Variants in COL5A1 observed in about 807,000 individuals in gnomAD.
COL5A1 encodes the protein collagen alpha-1(V) chain.
COL5A1 carries 16 observed loss-of-function variants against 263.7 expected under a neutral mutation model. That is an observed-to-expected ratio of 0.06 (90% CI 0.04 to 0.09). The LOEUF is 0.09. COL5A1 is among the 10% of genes least tolerant of loss of function. The pLI is 1.00. For missense variants in COL5A1, 2,036 were observed against 2,540.5 expected, an observed-to-expected ratio of 0.80 and a Z score of 4.27; for synonymous variants, 1,012 against 1,004.5, an observed-to-expected ratio of 1.01 and a Z score of -0.14.
rs1833467658 is a variant in COL5A1 at position 134,696,327 on chromosome 9, C to T, written c.278-3582C>T. On this transcript the variant is annotated intron_variant, in intron 2 of 65. Coordinates refer to ENST00000371817, the MANE Select transcript of COL5A1 (RefSeq NM_000093.5). This position sits in a 1 kb window ranked among gnomAD's most constrained non-coding sequence, Gnocchi z 4.3. ...TAGTTGGGATTACAGGTGTGTGCCA[C>T]CACACCCGGCTAATTTTTTTTATAT... Among the ~76,000 whole-genome samples the T allele has an allele frequency of 6.6e-6, 1 of 152,074 alleles. No homozygotes were observed. Among genetic ancestry groups the T allele is most frequent in the Non-Finnish European group, 1.5e-5 (1 of 68,032 alleles).
At chr9:134,747,162 T>C (rs770978484) in intron 11 of COL5A1, among the ~76,000 whole-genome samples, 40 of 152,220 alleles carry the variant, frequency 2.6e-4, no homozygotes, top group Non-Finnish European at 7.3e-5. Context: ...TTCTCCACAC[T>C]GTCTCCTTCT....
At chr9:134,819,985 C>T (rs1472628782) in intron 57 of COL5A1, 131 bp from the exon 58 acceptor site, 5 of 789,644 alleles carry the variant, frequency 6.3e-6, no homozygotes, top group Admixed American at 1.8e-5. Flanking sequence ...GCCTGTTCCC[C>T]TTCCAGGGGA....
chr9:134,816,053 T>TCAAA, intron 52 of COL5A1, 65 bp downstream of exon 52: 1 of 1,528,450 alleles, frequency 6.5e-7, no homozygotes, highest in Non-Finnish European at 9.1e-7. Context: ...ACCTTGCAGC[T>TCAAA]TGCTTGACTC....
rs905670873 is a variant in COL5A1, at chr9:134,813,963, C to T, written c.3853-20C>T. On this transcript the variant is annotated intron_variant, in intron 48 of 65. Coordinates refer to ENST00000371817, the MANE Select transcript of COL5A1 (RefSeq NM_000093.5). ...TCGCGGTGCTCACCGCTGCCATAAC[C>T]ACATGCACTGTCTCCCTAGGGCGAG... 7.7e-6 allele frequency: 12 copies of T among 1,550,738 alleles called. No individual in the cohort carries two copies. Among genetic ancestry groups the T allele is most frequent in the East Asian group, 2.4e-5 (1 of 40,930 alleles).
In COL5A1 at chr9:134,696,277, G is replaced by A. The variant is rs550991447; in HGVS notation, c.278-3632G>A. Among the ~76,000 whole-genome samples, 2 of 152,162 alleles carry A rather than the reference G, an allele frequency of 1.3e-5. No homozygotes were observed. Among genetic ancestry groups the A allele is most frequent in the Non-Finnish European group, 2.9e-5 (2 of 68,002 alleles). On this transcript the variant is annotated intron_variant, in intron 2 of 65. Coordinates refer to ENST00000371817, the MANE Select transcript of COL5A1 (RefSeq NM_000093.5). The surrounding 1 kb of genome is among the most constrained non-coding windows in gnomAD (Gnocchi z 4.3). Reference sequence around the variant, plus strand: ...CAACCTCTGCCTCCCAGGTTCAAGCGATTCTCCTGCCTCAGCCCCCCGAGT... The same window carrying A: ...CAACCTCTGCCTCCCAGGTTCAAGCAATTCTCCTGCCTCAGCCCCCCGAGT...
chr9:134,743,718 G>A (rs992595622), intron 11 of COL5A1, among the ~76,000 whole-genome samples: 3 of 152,178 alleles, frequency 2.0e-5, no homozygotes, highest in East Asian at 1.9e-4. Flanking sequence ...GATGCTGCCC[G>A]GCGCTGTCTT....
At chr9:134,820,278 T>C in intron 58 of COL5A1, 55 bp downstream of exon 58, 2 of 1,425,184 alleles carry the variant, frequency 1.4e-6, no homozygotes, top group Non-Finnish European at 2.0e-6. Context: ...TTTAGATCCC[T>C]GGGGCAGGCA....
Position 134,844,559 on chromosome 9 carries a change from G to A in COL5A1, c.*2256G>A, listed in dbSNP as rs1197830367. On this transcript the variant is annotated 3_prime_UTR_variant, in exon 66 of 66. Transcript: ENST00000371817. ...TTATATTTGCAGAAATTCTTTTGGT[G>A]TAATTTTATTTTTTCCTCTCAATAT... is the stretch of plus-strand genomic sequence containing the variant. 2 of 152,126 alleles carry A rather than the reference G, an allele frequency of 1.3e-5. No homozygotes were observed. The highest frequency in any genetic ancestry group is 2.4e-5 in the African/African-American group (1 of 41,390). The allele number at this position is 152,126 out of a possible 1,614,324, so 9.4% of individuals were successfully genotyped here. A position where few individuals can be genotyped will look rare whatever the true frequency, so the allele number is the denominator to read the frequency against.
chr9:134,753,437 G>A (rs531986924), intron 14 of COL5A1, among the ~76,000 whole-genome samples: 53 of 152,258 alleles, frequency 3.5e-4, no homozygotes, highest in African/African-American at 1.1e-3. Context: ...GGGCTCGGTC[G>A]CCTCCACACA....
intron 25 of COL5A1, among the ~76,000 whole-genome samples, chr9:134,771,404 G>T (rs958836904): frequency 5.9e-5 from 9 of 152,230 alleles, no homozygotes; most frequent in African/African-American, 2.2e-4. Flanking sequence ...GCGGCGTGGT[G>T]GCCAAGCACG....
At chr9:134,820,681 A>T (rs1363864562) in intron 58 of COL5A1, among the ~76,000 whole-genome samples, 1 of 152,128 alleles carries the variant, frequency 6.6e-6, no homozygotes, top group Non-Finnish European at 1.5e-5. Context: ...TGGAGTTTGC[A>T]GCCTCTGCAA....
At chr9:134,839,605 C>T (rs532560593) in intron 65 of COL5A1, among the ~76,000 whole-genome samples, 3 of 152,200 alleles carry the variant, frequency 2.0e-5, no homozygotes, top group Admixed American at 6.5e-5. Context: ...CCCAGGACAG[C>T]GCCACCTTGC....
intron 1 of COL5A1, among the ~76,000 whole-genome samples, chr9:134,688,273 A>C (rs1360105881): frequency 6.6e-6 from 1 of 152,148 alleles, no homozygotes; most frequent in Non-Finnish European, 1.5e-5. Context: ...GAAGAGCATC[A>C]CGGGCTTGTT....
intron 4 of COL5A1, among the ~76,000 whole-genome samples, chr9:134,721,892 C>T (rs1180463799): frequency 6.6e-6 from 1 of 152,236 alleles, no homozygotes; most frequent in Non-Finnish European, 1.5e-5. Flanking sequence ...AGGGTCCCCT[C>T]CCTCACCTGC....
rs58839739 is a variant in COL5A1, at chr9:134,794,517, GA to G, written c.2701-559del. 0.028 allele frequency among the ~76,000 whole-genome samples: 4,264 copies of G among 152,108 alleles called. 230 individuals carry two copies. The highest frequency in any genetic ancestry group is 0.098 in the African/African-American group (4,048 of 41,474). ...GTTTGGAAAATGCAAAACAACAACA[GA>G]AAAAAGAGTATAAATTCTATTAGAG... is the stretch of plus-strand genomic sequence containing the variant. On this transcript the variant is annotated intron_variant, in intron 32 of 65. Coordinates refer to ENST00000371817, the MANE Select transcript of COL5A1 (RefSeq NM_000093.5). This position sits in a 1 kb window ranked among gnomAD's most constrained non-coding sequence, Gnocchi z 4.3.
chr9:134,652,147 C>G lies in COL5A1; in HGVS notation c.109+9851C>G, dbSNP rs1831710552. On this transcript the variant is annotated intron_variant, in intron 1 of 65. Coordinates refer to ENST00000371817, the MANE Select transcript of COL5A1 (RefSeq NM_000093.5). The surrounding 1 kb of genome is among the most constrained non-coding windows in gnomAD (Gnocchi z 4.4). ...AAGGGTAGGGAACGATTTCTGACTG[C>G]GATTGTAAGAGCTTTCTAGGTAATT... Among the ~76,000 whole-genome samples the G allele has an allele frequency of 6.6e-6, 1 of 152,058 alleles. No individual in the cohort carries two copies. The highest frequency in any genetic ancestry group is 2.1e-4 in the South Asian group (1 of 4,810).
rs371771492 is a variant in COL5A1, at chr9:134,825,898, C to T, written c.5061C>T (p.Ser1687=). Residue 1687 remains serine (S), a synonymous_variant, in exon 63 of 66, where the codon TCC becomes TCT. Transcript: ENST00000371817. ...CATGCGTCTTCCCTGACAAGAAGTC[C>T]GAAGGGGTGAGTAGCTGTGTCCCTC... ...GSTCVFPDKK[S]EGARITSWPK... 6 of 1,609,972 alleles carry T rather than the reference C, an allele frequency of 3.7e-6. No homozygotes were observed. Among genetic ancestry groups the T allele is most frequent in the African/African-American group, 2.7e-5 (2 of 74,842 alleles).
chr9:134,662,967 T>A (rs1227707755), intron 1 of COL5A1, among the ~76,000 whole-genome samples: 1 of 152,196 alleles, frequency 6.6e-6, no homozygotes, highest in Non-Finnish European at 1.5e-5. Flanking sequence ...TGAGCCTCCA[T>A]GTTTGGAAAT....
Position 134,834,991 on chromosome 9 carries a change from G to C in COL5A1, c.5157G>C (p.Glu1719Asp). The C allele has an allele frequency of 2.5e-6, 4 of 1,613,636 alleles. No individual in the cohort carries two copies. Among genetic ancestry groups the C allele is most frequent in the Non-Finnish European group, 3.4e-6 (4 of 1,179,990 alleles). ...CCCAGCTCTCCTATGTGGACGCCGA[G>C]GGCAACCCTGTGGGTGTGGTACAGA... ...RGKLLSYVDA[E>D]GNPVGVVQMT... The change falls in exon 65 of 66, where the codon GAG becomes GAC. Residue 1719 changes from glutamate to aspartate, a missense_variant. By Grantham distance (45) the Glu-to-Asp change is conservative. Around this residue, in one of 3 missense-constraint regions of COL5A1, gnomAD observed 358 missense variants for 384.6 expected, o/e 0.93. Transcript: ENST00000371817.
Sources: gnomAD v4.1 joint callset for allele counts (sites outside exome capture counted in the v4.1 genomes callset) on GRCh38, gnomAD v4.1.1 for gene constraint, gnomAD v4.1.1 regional missense constraint, Gnocchi (gnomAD v3.1) non-coding constraint, MANE v1.5 for transcripts, NCBI Gene and HGNC (gene_info 2026-07-23, HGNC 2026-07-21) for gene names.